The following KIRREL3 variants were observed in gnomAD, a reference collection of about 807,000 sequenced individuals.
KIRREL3 encodes kirre like nephrin family adhesion molecule 3, also known as kin of IRRE-like protein 3.
Under a neutral mutation model 89.7 loss-of-function variants are expected in KIRREL3, and 36 were observed. The ratio of observed to expected loss-of-function variants is 0.40; its 90% confidence interval spans 0.31 to 0.53. The LOEUF (loss-of-function observed/expected upper bound fraction) is 0.53. KIRREL3 is among the 20% of genes least tolerant of loss of function. KIRREL3 has a pLI of 0.49. For missense variants in KIRREL3, 864 were observed against 1,056.6 expected, an observed-to-expected ratio of 0.82 and a Z score of 2.53; for synonymous variants, 445 against 441.4, an observed-to-expected ratio of 1.01 and a Z score of -0.10.
At chr11:126,633,367 A>AC (rs1383334926) in intron 1 of KIRREL3, among the ~76,000 whole-genome samples, 1 of 151,566 alleles carries the variant, frequency 6.6e-6, no homozygotes, top group Non-Finnish European at 1.5e-5. Context: ...AAACAAACAA[A>AC]CAAAAAAATT....
chr11:126,597,822 C>T lies in KIRREL3; in HGVS notation c.56-34910G>A, dbSNP rs192696945. Reference sequence around the variant, plus strand: ...AAAAATGTATGCAATTGGTCACCATCCTCTGCACCCATTCCTGTCTTCACT... The same window carrying T: ...AAAAATGTATGCAATTGGTCACCATTCTCTGCACCCATTCCTGTCTTCACT... On this transcript the variant is annotated intron_variant, in intron 1 of 16. Coordinates refer to ENST00000525144, the MANE Select transcript of KIRREL3 (RefSeq NM_032531.4). Among the ~76,000 whole-genome samples the T allele has an allele frequency of 6.6e-5, 10 of 152,340 alleles. No homozygotes were observed. The East Asian group carries it at 1.9e-3, about 29-fold the overall frequency.
In KIRREL3 at chr11:126,607,010, T is replaced by A. The variant is rs1010088625; in HGVS notation, c.56-44098A>T. ...ACATGGCCGGGTATTCCAGGGTTTTTAAATTGCATGCCACATGTTTATCCT... is the reference window on the plus strand; with the variant it reads ...ACATGGCCGGGTATTCCAGGGTTTTAAAATTGCATGCCACATGTTTATCCT... On this transcript the variant is annotated intron_variant, in intron 1 of 16. Coordinates refer to ENST00000525144, the MANE Select transcript of KIRREL3 (RefSeq NM_032531.4). The surrounding 1 kb of genome is among the most constrained non-coding windows in gnomAD (Gnocchi z 6.6). Among the ~76,000 whole-genome samples the A allele has an allele frequency of 3.9e-5, 6 of 152,174 alleles. No homozygotes were observed. The highest frequency in any genetic ancestry group is 1.4e-4 in the African/African-American group (6 of 41,444).
rs1355374621 is a variant in KIRREL3, at chr11:126,475,930, T to A, written c.434-2464A>T. On this transcript the variant is annotated intron_variant, in intron 4 of 16. Transcript: ENST00000525144. The surrounding 1 kb of genome is among the most constrained non-coding windows in gnomAD (Gnocchi z 7.5). ...GCCTCCCCGACCAGGATGGAGGAGC[T>A]CGGGCTCCATGAGCTAGCTGAGGGC... Among the ~76,000 whole-genome samples the A allele has an allele frequency of 6.6e-6, 1 of 152,094 alleles. No individual in the cohort carries two copies. Among genetic ancestry groups the A allele is most frequent in the East Asian group, 1.9e-4 (1 of 5,168 alleles).
At chr11:126,925,387 G>T (rs1425036945) in intron 1 of KIRREL3, among the ~76,000 whole-genome samples, 2 of 152,174 alleles carry the variant, frequency 1.3e-5, no homozygotes, top group Admixed American at 1.3e-4. Context: ...GAAGGGATGG[G>T]ACAGTGATCA....
In KIRREL3 at chr11:126,636,098, T is replaced by C. The variant is rs2134906060; in HGVS notation, c.56-73186A>G. Among the ~76,000 whole-genome samples, 1 of 152,282 alleles carries C rather than the reference T, an allele frequency of 6.6e-6. No homozygotes were observed. The highest frequency in any genetic ancestry group is 2.4e-5 in the African/African-American group (1 of 41,554). On this transcript the variant is annotated intron_variant, in intron 1 of 16. Transcript: ENST00000525144. This position sits in a 1 kb window ranked among gnomAD's most constrained non-coding sequence, Gnocchi z 4.4. ...ACCTCACAACTCTGCCACTTACTAT[T>C]TTTAGGACCTTGGGGAAGTCATATA...
chr11:126,790,105 T>C (rs1950592692), intron 1 of KIRREL3, among the ~76,000 whole-genome samples: 1 of 152,228 alleles, frequency 6.6e-6, no homozygotes, highest in East Asian at 1.9e-4. Context: ...GCAGGAAACC[T>C]GAGTGTCATC....
intron 1 of KIRREL3, among the ~76,000 whole-genome samples, chr11:126,959,474 C>A (rs370824185): frequency 6.6e-6 from 1 of 152,162 alleles, no homozygotes; most frequent in Non-Finnish European, 1.5e-5. Context: ...TCTGTCTTAG[C>A]ATTTTCCCCT....
At chr11:126,767,379 C>G (rs1449279408) in intron 1 of KIRREL3, among the ~76,000 whole-genome samples, 1 of 152,184 alleles carries the variant, frequency 6.6e-6, no homozygotes, top group Non-Finnish European at 1.5e-5. Flanking sequence ...ACCCTGAGCT[C>G]TTGCCTCAGT....
At position 126,430,875 on chromosome 11, in the gene KIRREL3, G is replaced by A. The variant is rs1565443353; in HGVS notation, c.1696+544C>T. On this transcript the variant is annotated intron_variant, in intron 14 of 16. Transcript: ENST00000525144. The surrounding 1 kb of genome is among the most constrained non-coding windows in gnomAD (Gnocchi z 6.6). The stretch of plus-strand genomic sequence containing the variant: ...CCAATCTCTCACACGTTATCTCCTC[G>A]GTGCACGCAATTCTTCAAGCGTGCA... 7 of 610,364 alleles carry A rather than the reference G, an allele frequency of 1.1e-5. No individual in the cohort carries two copies. The South Asian group carries it at 2.1e-4, about 18-fold the overall frequency. 37.8% of individuals were successfully genotyped at this position (610,364 alleles called of 1,614,324 possible). A position where few individuals can be genotyped will look rare whatever the true frequency, so the allele number is the denominator to read the frequency against.
intron 1 of KIRREL3, among the ~76,000 whole-genome samples, chr11:126,665,503 G>A (rs550339403): frequency 1.5e-4 from 23 of 152,252 alleles, no homozygotes; most frequent in African/African-American, 5.5e-4. Flanking sequence ...GGTGATTAGG[G>A]CATGAGGGTG....
intron 1 of KIRREL3, among the ~76,000 whole-genome samples, chr11:126,613,399 T>A (rs1174577835): frequency 6.6e-6 from 1 of 152,218 alleles, no homozygotes; most frequent in Non-Finnish European, 1.5e-5. Context: ...CTAATCCATG[T>A]TCTGATTTGC....
intron 1 of KIRREL3, among the ~76,000 whole-genome samples, chr11:126,583,982 A>G (rs560348829): frequency 6.6e-6 from 1 of 152,302 alleles, no homozygotes; most frequent in East Asian, 1.9e-4. Context: ...AACTATCCCC[A>G]TGTTTATTAT....
rs928372636 is a variant in KIRREL3 at position 126,666,294 on chromosome 11, G to A, written c.56-103382C>T. Among the ~76,000 whole-genome samples the A allele has an allele frequency of 2.0e-5, 3 of 152,164 alleles. No homozygotes were observed. Among genetic ancestry groups the A allele is most frequent in the African/African-American group, 7.2e-5 (3 of 41,428 alleles). On this transcript the variant is annotated intron_variant, in intron 1 of 16. Coordinates refer to ENST00000525144, the MANE Select transcript of KIRREL3 (RefSeq NM_032531.4). This position sits in a 1 kb window ranked among gnomAD's most constrained non-coding sequence, Gnocchi z 4.2. ...TGGACAGCCTTGGGTTTTACCTCCTGTCCAGGCACCCGTTCCTCTTTCTGC... is the reference window on the plus strand; with the variant it reads ...TGGACAGCCTTGGGTTTTACCTCCTATCCAGGCACCCGTTCCTCTTTCTGC...
intron 12 of KIRREL3, 63 bp downstream of exon 12, chr11:126,436,748 G>A: frequency 6.3e-7 from 1 of 1,576,696 alleles, no homozygotes. Context: ...CCCTGACCTA[G>A]GTGAGGAGAG....
chr11:126,580,313 C>G (rs914458080), intron 1 of KIRREL3, among the ~76,000 whole-genome samples: 3 of 152,180 alleles, frequency 2.0e-5, no homozygotes, highest in Non-Finnish European at 4.4e-5. Context: ...CAAAGGATAG[C>G]CAAAGACACC....
rs1435722473 is a variant in KIRREL3 at position 126,908,693 on chromosome 11, C to A, written c.55+91762G>T. The stretch of plus-strand genomic sequence containing the variant: ...AAGTATTAAAGGGCTTCCCATACAC[C>A]AGAAACTGGGGATTCCACAGTAGAT... On this transcript the variant is annotated intron_variant, in intron 1 of 16. Transcript: ENST00000525144. The surrounding 1 kb of genome is among the most constrained non-coding windows in gnomAD (Gnocchi z 4.2). Among the ~76,000 whole-genome samples, 1 of 152,042 alleles carries A rather than the reference C, an allele frequency of 6.6e-6. No homozygotes were observed. The highest frequency in any genetic ancestry group is 1.5e-5 in the Non-Finnish European group (1 of 68,018).
At position 126,708,853 on chromosome 11, in the gene KIRREL3, C is replaced by T. The variant is rs969804286; in HGVS notation, c.56-145941G>A. On this transcript the variant is annotated intron_variant, in intron 1 of 16. Transcript: ENST00000525144. The surrounding 1 kb of genome is among the most constrained non-coding windows in gnomAD (Gnocchi z 5.7). ...CAAAGGCCATGGGATCAGCTGTGAT[C>T]TCTCCCTTCCTTTTTCATTCTCCTC... Among the ~76,000 whole-genome samples, 1 of 152,188 alleles carries T rather than the reference C, an allele frequency of 6.6e-6. No individual in the cohort carries two copies. The highest frequency in any genetic ancestry group is 1.5e-5 in the Non-Finnish European group (1 of 68,032).
At position 126,729,124 on chromosome 11, in the gene KIRREL3, C is replaced by T. The variant is rs1290343278; in HGVS notation, c.56-166212G>A. Among the ~76,000 whole-genome samples, 1 of 152,192 alleles carries T rather than the reference C, an allele frequency of 6.6e-6. No individual in the cohort carries two copies. The highest frequency in any genetic ancestry group is 1.5e-5 in the Non-Finnish European group (1 of 68,038). ...TCTTCCCTCATCTCTAGCAGAATGG[C>T]TGCCTCCTTAGTCCAGACTGAGTCC... is the stretch of plus-strand genomic sequence containing the variant. On this transcript the variant is annotated intron_variant, in intron 1 of 16. Transcript: ENST00000525144. The surrounding 1 kb of genome is among the most constrained non-coding windows in gnomAD (Gnocchi z 4.5).
chr11:126,934,814 A>G (rs1287461101), intron 1 of KIRREL3: 1 of 152,186 alleles, frequency 6.6e-6, no homozygotes, highest in Non-Finnish European at 1.5e-5. Context: ...TAATCCCAGC[A>G]CTTTGGGAAG....
Sources: gnomAD v4.1 joint callset for allele counts (sites outside exome capture counted in the v4.1 genomes callset) on GRCh38, gnomAD v4.1.1 for gene constraint, Gnocchi (gnomAD v3.1) non-coding constraint, MANE v1.5 for transcripts, NCBI Gene and HGNC (gene_info 2026-07-23, HGNC 2026-07-21) for gene names.